Variants in ROBO1 observed in about 807,000 individuals in gnomAD.
ROBO1 encodes the protein roundabout homolog 1.
ROBO1 carries 149 observed loss-of-function variants against 195.9 expected under a neutral mutation model. The observed-to-expected ratio is 0.76, with a 90% CI of 0.67 to 0.87. The LOEUF (loss-of-function observed/expected upper bound fraction) is 0.87. Ranked by LOEUF, ROBO1 falls within the 40% of genes least tolerant of loss-of-function variation. The probability of loss-of-function intolerance (pLI) is 0.00; values close to 1 mark genes in which losing one functional copy is unlikely to be tolerated. For missense variants in ROBO1, 1,933 were observed against 2,068.3 expected (o/e 0.93, Z 1.27); for synonymous variants, 816 against 733.2 (o/e 1.11, Z -1.82).
chr3:79,091,689 T>C (rs2079482484), intron 3 of ROBO1, among the ~76,000 whole-genome samples: 1 of 152,078 alleles, frequency 6.6e-6, no homozygotes, highest in South Asian at 2.1e-4. Flanking sequence ...AGACCTTACT[T>C]AGAGCGCGAC....
At chr3:79,222,446 T>C (rs1032748846) in intron 2 of ROBO1, among the ~76,000 whole-genome samples, 2 of 152,040 alleles carry the variant, frequency 1.3e-5, no homozygotes, top group Admixed American at 1.3e-4. Flanking sequence ...ATTTTTCCCT[T>C]GTGGGCAAGC....
At chr3:79,228,238 T>G (rs1427256449) in intron 2 of ROBO1, among the ~76,000 whole-genome samples, 1 of 152,106 alleles carries the variant, frequency 6.6e-6, no homozygotes, top group African/African-American at 2.4e-5. Flanking sequence ...AAGAGAGAGA[T>G]ATAGTTCAAT....
rs201690855 is a variant in ROBO1 at position 78,618,011 on chromosome 3, T to G, written c.3906A>C (p.Pro1302=). The change falls in exon 27 of 31, where the codon CCA becomes CCC. Residue 1302 remains proline (P), a synonymous_variant. Coordinates refer to ENST00000464233, the MANE Select transcript of ROBO1 (RefSeq NM_002941.4). ...RRQPVSPPPP[P]RPISPPHTYG... ...AGGTATGTGGAGGGGAGATCGGCCG[T>G]GGTGGTGGAGGAGGACTCACAGGCT... 1 of 1,613,416 alleles carries G rather than the reference T, an allele frequency of 6.2e-7. No individual in the cohort carries two copies. The highest frequency in any genetic ancestry group is 8.5e-7 in the Non-Finnish European group (1 of 1,179,582).
intron 4 of ROBO1, among the ~76,000 whole-genome samples, chr3:78,850,998 A>C (rs1185454936): frequency 6.6e-6 from 1 of 151,574 alleles, no homozygotes; most frequent in East Asian, 1.9e-4. Context: ...GTAGAGACGG[A>C]GTTTCACTAT....
chr3:79,668,600 T>A (rs958931110), intron 1 of ROBO1, among the ~76,000 whole-genome samples: 3 of 151,684 alleles, frequency 2.0e-5, no homozygotes, highest in Non-Finnish European at 4.4e-5. Flanking sequence ...ATACCCCCAC[T>A]TCTGTTCCAC....
chr3:79,488,156 C>T (rs1312598911), intron 2 of ROBO1, among the ~76,000 whole-genome samples: 2 of 152,090 alleles, frequency 1.3e-5, no homozygotes, highest in Non-Finnish European at 2.9e-5. Context: ...TTAAAGAAAT[C>T]ATGAGACTTA....
At chr3:78,940,069 G>C (rs1321461830) in intron 3 of ROBO1, among the ~76,000 whole-genome samples, 1 of 152,044 alleles carries the variant, frequency 6.6e-6, no homozygotes, top group African/African-American at 2.4e-5. Context: ...ATTTATCAAA[G>C]ATTTCTCAAA....
intron 1 of ROBO1, among the ~76,000 whole-genome samples, chr3:79,618,319 T>C (rs1050657277): frequency 8.5e-5 from 13 of 152,166 alleles, no homozygotes; most frequent in African/African-American, 3.1e-4. Context: ...TTGTCAGGCC[T>C]CTGAGCCCAC....
intron 2 of ROBO1, among the ~76,000 whole-genome samples, chr3:79,143,711 C>T (rs892660704): frequency 6.6e-6 from 1 of 152,022 alleles, no homozygotes; most frequent in Non-Finnish European, 1.5e-5. Context: ...CATTTTACCT[C>T]GTTTCCTCCA....
rs181864938 is a variant in ROBO1 at position 79,648,365 on chromosome 3, C to T, written c.-50-58404G>A. On this transcript the variant is annotated intron_variant, in intron 1 of 30. Coordinates refer to ENST00000464233, the MANE Select transcript of ROBO1 (RefSeq NM_002941.4). ...CCGTTGGGAATCAAGCACAAGCAAG[C>T]ACAAAGAGCACTGGAGAAAGATATC... Among the ~76,000 whole-genome samples, 46 of 152,084 alleles carry T rather than the reference C, an allele frequency of 3.0e-4. No individual in the cohort carries two copies. In the East Asian group the frequency reaches 8.0e-3, roughly 26 times the overall value.
At chr3:78,846,575 T>C (rs1205499004) in intron 4 of ROBO1, among the ~76,000 whole-genome samples, 3 of 152,134 alleles carry the variant, frequency 2.0e-5, no homozygotes, top group East Asian at 1.9e-4. Context: ...ACTTTATAAA[T>C]AGAATATTTG....
At chr3:78,618,543 A>G (rs1178539504) in intron 26 of ROBO1, among the ~76,000 whole-genome samples, 1 of 152,092 alleles carries the variant, frequency 6.6e-6, no homozygotes, top group Non-Finnish European at 1.5e-5. Flanking sequence ...AAAGAGTAAA[A>G]TTTCATAAGA....
intron 3 of ROBO1, among the ~76,000 whole-genome samples, chr3:78,985,638 C>T (rs1341113757): frequency 2.6e-5 from 4 of 152,114 alleles, no homozygotes; most frequent in African/African-American, 7.2e-5. Context: ...GGCTATTTAG[C>T]GGCATCCTTG....
rs146171353 is a variant in ROBO1, at chr3:79,086,696, T to C, written c.172+38760A>G. On this transcript the variant is annotated intron_variant, in intron 3 of 30. Coordinates refer to ENST00000464233, the MANE Select transcript of ROBO1 (RefSeq NM_002941.4). Reference sequence around the variant, plus strand: ...GAAAAACAGTATGCAGACACCTCAATTCTATAGAATCAGACTCCCCCGCTC... The same window carrying C: ...GAAAAACAGTATGCAGACACCTCAACTCTATAGAATCAGACTCCCCCGCTC... Among the ~76,000 whole-genome samples, 57 of 152,312 alleles carry C rather than the reference T, an allele frequency of 3.7e-4. 1 individual carries two copies. The East Asian group carries it at 6.6e-3, about 18-fold the overall frequency.
intron 4 of ROBO1, among the ~76,000 whole-genome samples, chr3:78,813,472 T>A (rs2084806299): frequency 6.6e-6 from 1 of 151,930 alleles, no homozygotes; most frequent in African/African-American, 2.4e-5. Flanking sequence ...AAAGAATTTT[T>A]ACATTTTCTT....
intron 4 of ROBO1, among the ~76,000 whole-genome samples, chr3:78,813,626 C>T (rs1040144286): frequency 2.0e-5 from 3 of 151,998 alleles, no homozygotes; most frequent in Non-Finnish European, 1.5e-5. Flanking sequence ...ATGTCATGCA[C>T]ATCTGTGCTT....
chr3:79,605,881 G>T (rs928837938), intron 1 of ROBO1, among the ~76,000 whole-genome samples: 1 of 151,548 alleles, frequency 6.6e-6, no homozygotes, highest in Non-Finnish European at 1.5e-5. Context: ...CACTCTTCAA[G>T]AACAACAAGG....
intron 1 of ROBO1, among the ~76,000 whole-genome samples, chr3:79,604,064 T>C (rs1944414102): frequency 6.6e-6 from 1 of 152,016 alleles, no homozygotes; most frequent in African/African-American, 2.4e-5. Flanking sequence ...AAAATAAGAT[T>C]ACTATTAGAA....
At chr3:79,720,835 C>G (rs972278851) in intron 1 of ROBO1, among the ~76,000 whole-genome samples, 1 of 150,144 alleles carries the variant, frequency 6.7e-6, no homozygotes, top group Non-Finnish European at 1.5e-5. Flanking sequence ...CGCTGTTGCC[C>G]AGGCTGGAGT....
Sources: gnomAD v4.1 joint callset for allele counts (sites outside exome capture counted in the v4.1 genomes callset) on GRCh38, gnomAD v4.1.1 for gene constraint, MANE v1.5 for transcripts, NCBI Gene and HGNC (gene_info 2026-07-23, HGNC 2026-07-21) for gene names.